The following DLGAP2 variants were observed in gnomAD, a reference collection of about 807,000 sequenced individuals.
DLGAP2 encodes disks large-associated protein 2.
In DLGAP2, 26 loss-of-function variants were observed where a neutral mutation model predicts 100.3. The observed-to-expected ratio is 0.26, with a 90% CI of 0.19 to 0.36. The LOEUF (loss-of-function observed/expected upper bound fraction) is 0.36, where lower values mean the gene tolerates loss of function less well. Ranked by LOEUF, DLGAP2 falls within the 10% of genes least tolerant of loss-of-function variation. The pLI, the probability that DLGAP2 is intolerant of heterozygous loss-of-function variation, is 1.00. For missense variants in DLGAP2, 1,858 were observed against 1,453.2 expected (o/e 1.28, Z -4.53); for synonymous variants, 886 against 630.1 (o/e 1.41, Z -6.08).
intron 3 of DLGAP2, among the ~76,000 whole-genome samples, chr8:1,272,704 C>T (rs1450829112): frequency 6.6e-6 from 1 of 152,032 alleles, no homozygotes; most frequent in Non-Finnish European, 1.5e-5. Flanking sequence ...AAGGCCAGGC[C>T]TGAGGAGTGT....
chr8:747,650 G>A (rs1265525243), intron 1 of DLGAP2, among the ~76,000 whole-genome samples: 10 of 137,222 alleles, frequency 7.3e-5, no homozygotes, highest in Non-Finnish European at 1.4e-4. Context: ...GGATGGGGCA[G>A]GGTGGGGGCC....
intron 2 of DLGAP2, among the ~76,000 whole-genome samples, chr8:999,501 T>C (rs2129017702): frequency 6.7e-6 from 1 of 150,072 alleles, no homozygotes; most frequent in Non-Finnish European, 1.5e-5. Context: ...TTTTTCCCGA[T>C]GGAGTGTCGG....
At chr8:1,368,367 G>A (rs573476982) in intron 3 of DLGAP2, among the ~76,000 whole-genome samples, 28 of 151,832 alleles carry the variant, frequency 1.8e-4, no homozygotes, top group Non-Finnish European at 2.5e-4. Context: ...ATGTGTATGG[G>A]TGCATGTGCA....
chr8:1,276,157 G>A (rs910474754), intron 3 of DLGAP2, among the ~76,000 whole-genome samples: 6 of 146,940 alleles, frequency 4.1e-5, no homozygotes, highest in Non-Finnish European at 8.9e-5. Context: ...TCCTGCCACG[G>A]AGAGACTCAG....
intron 4 of DLGAP2, among the ~76,000 whole-genome samples, chr8:1,518,651 T>C (rs1051860658): frequency 6.6e-6 from 1 of 152,170 alleles, no homozygotes; most frequent in African/African-American, 2.4e-5. Flanking sequence ...GTCATATAAA[T>C]TTGGTTCTCC....
At chr8:945,605 C>T (rs567922871) in intron 2 of DLGAP2, among the ~76,000 whole-genome samples, 24 of 152,262 alleles carry the variant, frequency 1.6e-4, no homozygotes, top group African/African-American at 5.3e-4. Flanking sequence ...ACTTAACGTG[C>T]ATTTGTGTAA....
At chr8:1,257,851 T>C (rs1352462638) in intron 2 of DLGAP2, among the ~76,000 whole-genome samples, 1 of 152,250 alleles carries the variant, frequency 6.6e-6, no homozygotes, top group Admixed American at 6.5e-5. Context: ...CCTTGTGGGC[T>C]CAGGGTCCTT....
At chr8:1,658,145 A>G (rs565992353) in intron 8 of DLGAP2, among the ~76,000 whole-genome samples, 2 of 152,192 alleles carry the variant, frequency 1.3e-5, no homozygotes, top group African/African-American at 4.8e-5. Context: ...GTCTTTTATT[A>G]TGCAAATGAG....
rs539528987 is a variant in DLGAP2, at chr8:1,358,128, T to C, written c.106+99245T>C. On this transcript the variant is annotated intron_variant, in intron 3 of 14. Transcript: ENST00000637795. Reference sequence around the variant, plus strand: ...TTGGGTAGAAGTGAAGATTGTAAAATAAAAGAGAAAATCCAGGTGCATCCT... The same window carrying C: ...TTGGGTAGAAGTGAAGATTGTAAAACAAAAGAGAAAATCCAGGTGCATCCT... Among the ~76,000 whole-genome samples the C allele has an allele frequency of 2.0e-5, 3 of 152,098 alleles. 1 individual carries two copies. The East Asian group carries it at 5.8e-4, about 29-fold the overall frequency.
chr8:1,254,483 C>T (rs983436679), intron 2 of DLGAP2, among the ~76,000 whole-genome samples: 37 of 152,056 alleles, frequency 2.4e-4, no homozygotes, highest in African/African-American at 7.7e-4. Flanking sequence ...TGGGCCTCCT[C>T]GGAGCCTCTA....
At chr8:1,696,239 C>G (rs1799395921) in intron 13 of DLGAP2, among the ~76,000 whole-genome samples, 1 of 152,142 alleles carries the variant, frequency 6.6e-6, no homozygotes, top group South Asian at 2.1e-4. Flanking sequence ...CGGTGGCTCA[C>G]CCTGTAATCC....
At chr8:1,349,507 G>C (rs1431201921) in intron 3 of DLGAP2, among the ~76,000 whole-genome samples, 24 of 149,774 alleles carry the variant, frequency 1.6e-4, no homozygotes, top group Admixed American at 4.7e-4. Flanking sequence ...CACACAGGTA[G>C]AAAGGGGTGT....
chr8:1,046,359 G>T (rs1394618720), intron 2 of DLGAP2, among the ~76,000 whole-genome samples: 4 of 152,148 alleles, frequency 2.6e-5, no homozygotes, highest in Non-Finnish European at 5.9e-5. Flanking sequence ...TTTGGAGGTT[G>T]TTTTTATTTT....
intron 2 of DLGAP2, among the ~76,000 whole-genome samples, chr8:912,188 G>T (rs4735828): frequency 2.6e-5 from 4 of 151,970 alleles, no homozygotes; most frequent in Non-Finnish European, 5.9e-5. Context: ...TTGATAATAA[G>T]AAGTGAATAA....
chr8:1,534,017 A>G (rs1277110027), intron 4 of DLGAP2, among the ~76,000 whole-genome samples: 1 of 152,242 alleles, frequency 6.6e-6, no homozygotes, highest in Non-Finnish European at 1.5e-5. Context: ...TAATTATTAA[A>G]AGTCAAATGT....
intron 1 of DLGAP2, among the ~76,000 whole-genome samples, chr8:794,392 GC>G (rs1220736081): frequency 2.0e-5 from 3 of 152,192 alleles, no homozygotes; most frequent in African/African-American, 7.2e-5. Context: ...AGAGCTGAGA[GC>G]CCCAAACAGA....
chr8:965,824 C>T (rs1321360847), intron 2 of DLGAP2, among the ~76,000 whole-genome samples: 3 of 151,362 alleles, frequency 2.0e-5, no homozygotes, highest in Non-Finnish European at 2.9e-5. Flanking sequence ...CTGCGCTGTA[C>T]ACGGCACTGT....
intron 2 of DLGAP2, among the ~76,000 whole-genome samples, chr8:1,219,765 C>T (rs1798281091): frequency 6.6e-6 from 1 of 151,646 alleles, no homozygotes. Context: ...TTGTTGGTAG[C>T]TTATTACAGA....
chr8:902,190 C>T (rs1310193456), intron 1 of DLGAP2, among the ~76,000 whole-genome samples: 2 of 152,188 alleles, frequency 1.3e-5, no homozygotes. Context: ...CCGCTCCCCT[C>T]CTCGGGCGCC....
Sources: gnomAD v4.1 joint callset for allele counts (sites outside exome capture counted in the v4.1 genomes callset) on GRCh38, gnomAD v4.1.1 for gene constraint, MANE v1.5 for transcripts, NCBI Gene and HGNC (gene_info 2026-07-23, HGNC 2026-07-21) for gene names.